TMEM240: variants seen among roughly 807,000 people sequenced by gnomAD.
TMEM240 encodes the protein transmembrane protein 240.
Under a neutral mutation model 19.5 loss-of-function variants are expected in TMEM240, and 3 were observed. That is an observed-to-expected ratio of 0.15 (90% CI 0.07 to 0.40). The LOEUF is 0.40. Among genes scored for constraint, TMEM240 ranks in the 10% least tolerant of loss-of-function variants. The probability of loss-of-function intolerance (pLI) is 1.00; values close to 1 mark genes in which losing one functional copy is unlikely to be tolerated. For missense variants in TMEM240, 210 were observed against 253.5 expected (o/e 0.83, Z 1.17); for synonymous variants, 123 against 109.3 (o/e 1.13, Z -0.78).
chr1:1,536,309 C>T lies in TMEM240; in HGVS notation c.165-512G>A, dbSNP rs769818790. ...CCCCGCTGCTGTGCCCTTTCCTCCA[C>T]GGCTGCCACCGCGCCTGCCAGGCCC... On this transcript the variant is annotated intron_variant, in intron 2 of 3. Coordinates refer to ENST00000378733, the MANE Select transcript of TMEM240 (RefSeq NM_001114748.2). The surrounding 1 kb of genome is among the most constrained non-coding windows in gnomAD (Gnocchi z 5.4). Among the ~76,000 whole-genome samples, 4 of 152,184 alleles carry T rather than the reference C, an allele frequency of 2.6e-5. No homozygotes were observed. Among genetic ancestry groups the T allele is most frequent in the Non-Finnish European group, 2.9e-5 (2 of 68,012 alleles).
At position 1,540,392 on chromosome 1, in the gene TMEM240, G is replaced by T. The variant is rs1642286228; in HGVS notation, c.-46C>A. The T allele has an allele frequency of 2.2e-6, 2 of 896,122 alleles. No homozygotes were observed. The highest frequency in any genetic ancestry group is 2.8e-6 in the Non-Finnish European group (2 of 717,648). 55.5% of individuals were successfully genotyped at this position (896,122 alleles called of 1,614,324 possible). On this transcript the variant is annotated 5_prime_UTR_variant, in exon 1 of 4. Coordinates refer to ENST00000378733, the MANE Select transcript of TMEM240 (RefSeq NM_001114748.2). ...CGGAGCGCCGCCCCCCGGCCCCGGC[G>T]CCCCCCCGGCCCCGGCCCGATGCTG... is the stretch of plus-strand genomic sequence containing the variant.
In TMEM240 at chr1:1,535,272, T is replaced by C; in HGVS notation, c.*87A>G. The C allele has an allele frequency of 6.8e-7, 1 of 1,464,582 alleles. No individual in the cohort carries two copies. The highest frequency in any genetic ancestry group is 9.2e-7 in the Non-Finnish European group (1 of 1,091,826). The allele number at this position is 1,464,582 out of a possible 1,614,324, so 90.7% of individuals were successfully genotyped here. ...ACCTGGGCCCAGGGCTGCTGTCCAGTCCCGCCGGCCCGGGCGTCCACGAGG... is the reference window on the plus strand; with the variant it reads ...ACCTGGGCCCAGGGCTGCTGTCCAGCCCCGCCGGCCCGGGCGTCCACGAGG... On this transcript the variant is annotated 3_prime_UTR_variant, in exon 4 of 4. Transcript: ENST00000378733. The surrounding 1 kb of genome is among the most constrained non-coding windows in gnomAD (Gnocchi z 8.2).
chr1:1,540,203 CG>C (rs1169560499), intron 1 of TMEM240, 86 bp downstream of exon 1: 7 of 675,258 alleles, frequency 1.0e-5, no homozygotes, highest in African/African-American at 2.7e-5. Context: ...GCAGGCCGCA[CG>C]GGCGGTAAAC....
chr1:1,540,248 G>T, intron 1 of TMEM240, 42 bp downstream of exon 1: 1 of 1,283,274 alleles, frequency 7.8e-7, no homozygotes, highest in Non-Finnish European at 9.9e-7. Flanking sequence ...GGCGCGCGCG[G>T]GCGGGGAGCA....
At chr1:1,538,344 C>G (rs966184917) in intron 2 of TMEM240, among the ~76,000 whole-genome samples, 1 of 152,236 alleles carries the variant, frequency 6.6e-6, no homozygotes, top group Non-Finnish European at 1.5e-5. Context: ...TGCACCCACC[C>G]GAGTCCACGC....
At position 1,540,514 on chromosome 1, in the gene TMEM240, G is replaced by T. The variant is rs947324370; in HGVS notation, c.-168C>A. ...CGGCCGGGGGGAGGAGGCGCGGGGG[G>T]GGGGGCGCCGGGGAGGGACGCGGGG... On this transcript the variant is annotated 5_prime_UTR_variant, in exon 1 of 4. Coordinates refer to ENST00000378733, the MANE Select transcript of TMEM240 (RefSeq NM_001114748.2). 30 of 169,184 alleles carry T rather than the reference G, an allele frequency of 1.8e-4. No homozygotes were observed. The highest frequency in any genetic ancestry group is 3.1e-4 in the Non-Finnish European group (25 of 81,082). The allele number at this position is 169,184 out of a possible 1,614,324, so 10.5% of individuals were successfully genotyped here.
intron 2 of TMEM240, 23 bp downstream of exon 2, chr1:1,539,661 G>C: frequency 6.5e-7 from 1 of 1,542,064 alleles, no homozygotes; most frequent in East Asian, 2.5e-5. Flanking sequence ...CGCGTGTCGA[G>C]CCGGCGCCGG....
At position 1,539,457 on chromosome 1, in the gene TMEM240, C is replaced by T. The variant is rs568814670; in HGVS notation, c.164+227G>A. On this transcript the variant is annotated intron_variant, in intron 2 of 3. Transcript: ENST00000378733. ...AGGCTGGACCAGGAGGCCCCGTGACCCATTCCGCCATCACCCTGGAGGCCT... is the reference window on the plus strand; with the variant it reads ...AGGCTGGACCAGGAGGCCCCGTGACTCATTCCGCCATCACCCTGGAGGCCT... 24 of 569,016 alleles carry T rather than the reference C, an allele frequency of 4.2e-5. 1 individual carries two copies. The highest frequency in any genetic ancestry group is 2.9e-4 in the African/African-American group (15 of 51,754). 35.2% of individuals were successfully genotyped at this position (569,016 alleles called of 1,614,324 possible).
Position 1,535,655 on chromosome 1 carries a change from A to G in TMEM240, c.307T>C (p.Phe103Leu). The change falls in exon 3 of 4, where the codon TTC becomes CTC. Residue 103 changes from phenylalanine (F) to leucine (L), a missense_variant. Phe to Leu is a conservative substitution (Grantham distance 22, BLOSUM62 0). Transcript: ENST00000378733. The surrounding 1 kb of genome is among the most constrained non-coding windows in gnomAD (Gnocchi z 8.2). ...AGGACGCCGTCCATCCACACCAGGA[A>G]CCAGCTGATGCAAAAGCCCAGCAGC... ...GLLLGFCISW[F>L]LVWMDGVLHC... The G allele has an allele frequency of 6.5e-7, 1 of 1,549,984 alleles. No homozygotes were observed. Among genetic ancestry groups the G allele is most frequent in the Non-Finnish European group, 8.7e-7 (1 of 1,146,638 alleles).
At position 1,534,913 on chromosome 1, in the gene TMEM240, G is replaced by GCCCC. The variant is rs5772044; in HGVS notation, c.*445_*446insGGGG. ...ACCCTGTGGCTGTGCACACGCGGGTGCTCCCCTCGCCCCCCTCCCCTCCGC... is the reference window on the plus strand; with the variant it reads ...ACCCTGTGGCTGTGCACACGCGGGTGCCCCCTCCCCTCGCCCCCCTCCCCTCCGC... On this transcript the variant is annotated 3_prime_UTR_variant, in exon 4 of 4. Coordinates refer to ENST00000378733, the MANE Select transcript of TMEM240 (RefSeq NM_001114748.2). Among the ~76,000 whole-genome samples the GCCCC allele has an allele frequency of 2.9e-4, 44 of 149,374 alleles. No individual in the cohort carries two copies. Among genetic ancestry groups the GCCCC allele is most frequent in the African/African-American group, 9.6e-4 (38 of 39,380 alleles).
chr1:1,535,924 T>C lies in TMEM240; in HGVS notation c.165-127A>G, dbSNP rs1262027621. 5.6e-6 allele frequency: 3 copies of C among 532,380 alleles called. No individual in the cohort carries two copies. Among genetic ancestry groups the C allele is most frequent in the African/African-American group, 3.9e-5 (2 of 51,830 alleles). The allele number at this position is 532,380 out of a possible 1,614,324, so 33.0% of individuals were successfully genotyped here. A position where few individuals can be genotyped will look rare whatever the true frequency, so the allele number is the denominator to read the frequency against. ...CCTGGGGGTTCTCTGAAGCAGCCTC[T>C]TGGGCGGGCGGGTCGGGAAGGGGGC... On this transcript the variant is annotated intron_variant, in intron 2 of 3. Coordinates refer to ENST00000378733, the MANE Select transcript of TMEM240 (RefSeq NM_001114748.2). The surrounding 1 kb of genome is among the most constrained non-coding windows in gnomAD (Gnocchi z 8.2).
intron 2 of TMEM240, chr1:1,539,105 C>A (rs1284937606): frequency 6.4e-6 from 1 of 156,386 alleles, no homozygotes; most frequent in Non-Finnish European, 1.4e-5. Context: ...ACATGCATGG[C>A]CAAGAGGATC....
At position 1,539,765 on chromosome 1, in the gene TMEM240, T is replaced by G; in HGVS notation, c.83A>C (p.Asn28Thr). 6.5e-7 allele frequency: 1 copy of G among 1,547,350 alleles called. No homozygotes were observed. The highest frequency in any genetic ancestry group is 8.7e-7 in the Non-Finnish European group (1 of 1,146,302). The change falls in exon 2 of 4, where the codon AAC (asparagine) becomes ACC (threonine). Residue 28 changes from asparagine to threonine, a missense_variant. Physicochemically the swap from Asn to Thr is moderately conservative, Grantham distance 65. Around this residue, in one of 3 missense-constraint regions of TMEM240, gnomAD observed 23 missense variants for 57.7 expected, o/e 0.40. Coordinates refer to ENST00000378733, the MANE Select transcript of TMEM240 (RefSeq NM_001114748.2). The stretch of plus-strand genomic sequence containing the variant: ...GTTGTGGAATCGGTCCAGCAGCGCG[T>G]TCATGTCCATCAAGCACGCGATGGC... ...VMAIACLMDM[N>T]ALLDRFHNYI... is the part of the protein sequence containing the mutation.
intron 2 of TMEM240, among the ~76,000 whole-genome samples, chr1:1,538,150 A>C (rs1189260007): frequency 6.6e-6 from 1 of 152,208 alleles, no homozygotes; most frequent in Non-Finnish European, 1.5e-5. Flanking sequence ...GGCACTGTAT[A>C]TTGTGACATA....
rs938177048 is a variant in TMEM240 at position 1,534,975 on chromosome 1, C to T, written c.*384G>A. Among the ~76,000 whole-genome samples the T allele has an allele frequency of 6.7e-6, 1 of 149,596 alleles. No homozygotes were observed. The highest frequency in any genetic ancestry group is 2.5e-5 in the African/African-American group (1 of 39,992). ...GGGGCCAGACAGACGGTGGACGCAG[C>T]GCACGGGAAACAGCGCCTTCAAACA... is the stretch of plus-strand genomic sequence containing the variant. On this transcript the variant is annotated 3_prime_UTR_variant, in exon 4 of 4. Coordinates refer to ENST00000378733, the MANE Select transcript of TMEM240 (RefSeq NM_001114748.2).
chr1:1,534,954 CCAGA>C lies in TMEM240; in HGVS notation c.*401_*404del, dbSNP rs1018427374. On this transcript the variant is annotated 3_prime_UTR_variant, in exon 4 of 4. Coordinates refer to ENST00000378733, the MANE Select transcript of TMEM240 (RefSeq NM_001114748.2). ...TCCCCTCCGCCCAAGCTGGCTGGGG[CCAGA>C]CAGACGGTGGACGCAGCGCACGGGA... 1.7e-4 allele frequency among the ~76,000 whole-genome samples: 24 copies of C among 138,934 alleles called. No individual in the cohort carries two copies. Among genetic ancestry groups the C allele is most frequent in the Admixed American group, 3.0e-4 (4 of 13,486 alleles). 91.1% of individuals were successfully genotyped at this position (138,934 alleles called of 152,430 possible). A position where few individuals can be genotyped will look rare whatever the true frequency, so the allele number is the denominator to read the frequency against.
In TMEM240 at chr1:1,540,515, G is replaced by GT. The variant is rs1248779267; in HGVS notation, c.-170_-169insA. 5.7e-6 allele frequency: 1 copy of GT among 174,826 alleles called. No individual in the cohort carries two copies. The highest frequency in any genetic ancestry group is 6.2e-5 in the Admixed American group (1 of 16,078). The allele number at this position is 174,826 out of a possible 1,614,324, so 10.8% of individuals were successfully genotyped here. A position where few individuals can be genotyped will look rare whatever the true frequency, so the allele number is the denominator to read the frequency against. On this transcript the variant is annotated 5_prime_UTR_variant, in exon 1 of 4. Coordinates refer to ENST00000378733, the MANE Select transcript of TMEM240 (RefSeq NM_001114748.2). ...GGCCGGGGGGAGGAGGCGCGGGGGGGGGGGCGCCGGGGAGGGACGCGGGGC... is the reference window on the plus strand; with the variant it reads ...GGCCGGGGGGAGGAGGCGCGGGGGGGTGGGGCGCCGGGGAGGGACGCGGGGC...
In TMEM240 at chr1:1,534,913, G is replaced by GCCCCCCCCCCCC. The variant is rs5772044; in HGVS notation, c.*445_*446insGGGGGGGGGGGG. ...ACCCTGTGGCTGTGCACACGCGGGT[G>GCCCCCCCCCCCC]CTCCCCTCGCCCCCCTCCCCTCCGC... On this transcript the variant is annotated 3_prime_UTR_variant, in exon 4 of 4. Transcript: ENST00000378733. 2.0e-5 allele frequency among the ~76,000 whole-genome samples: 3 copies of GCCCCCCCCCCCC among 149,278 alleles called. No individual in the cohort carries two copies. Among genetic ancestry groups the GCCCCCCCCCCCC allele is most frequent in the Admixed American group, 6.6e-5 (1 of 15,120 alleles).
chr1:1,539,019 C>A (rs113358376), intron 2 of TMEM240: 1 of 152,672 alleles, frequency 6.5e-6, no homozygotes, highest in Non-Finnish European at 1.5e-5. Context: ...GCTGTGTGTA[C>A]GCACATGTAT....
Sources: allele counts gnomAD v4.1 joint callset (sites outside exome capture counted in the v4.1 genomes callset), GRCh38; gene constraint gnomAD v4.1.1; regional missense constraint gnomAD v4.1.1; non-coding constraint Gnocchi (gnomAD v3.1); transcripts MANE v1.5; gene names NCBI Gene and HGNC (gene_info 2026-07-23, HGNC 2026-07-21).